MYO7A: variants seen among roughly 807,000 people sequenced by gnomAD.
MYO7A encodes myosin VIIA, also known as unconventional myosin-VIIa.
MYO7A carries 210 observed loss-of-function variants against 263.8 expected under a neutral mutation model. The observed-to-expected ratio is 0.80, with a 90% confidence interval of 0.71 to 0.89. The LOEUF (loss-of-function observed/expected upper bound fraction) is 0.89. Ranked by LOEUF, MYO7A falls within the 40% of genes least tolerant of loss-of-function variation. MYO7A has a pLI of 0.00. For synonymous variants in MYO7A, 1,239 were observed against 1,197.3 expected, an observed-to-expected ratio of 1.03 and a Z score of -0.72; for missense variants, 2,820 against 2,968.3, an observed-to-expected ratio of 0.95 and a Z score of 1.16.
Position 77,162,285 on chromosome 11 carries a change from C to T in MYO7A, c.1509C>T (p.Pro503=), listed in dbSNP as rs1953074978. ...QDALDMIANK[P]MNIISLIDEE... ...CCCTGGACATGATTGCCAACAAGCC[C>T]ATGAACATCATCTCCCTCATCGATG... Residue 503 remains proline (P), a synonymous_variant, in exon 13 of 49, where the codon CCC becomes CCT. Transcript: ENST00000409709. 1.9e-6 allele frequency: 3 copies of T among 1,552,812 alleles called. No individual in the cohort carries two copies. Among genetic ancestry groups the T allele is most frequent in the Middle Eastern group, 3.3e-4 (2 of 5,976 alleles).
intron 21 of MYO7A, 57 bp from the exon 22 acceptor site, chr11:77,180,317 T>C: frequency 6.8e-6 from 10 of 1,471,688 alleles, no homozygotes; most frequent in Non-Finnish European, 9.4e-6. Flanking sequence ...CTGGTGGGAA[T>C]CCCTGCAACA....
At chr11:77,142,240 C>T (rs1951255991) in intron 2 of MYO7A, among the ~76,000 whole-genome samples, 2 of 152,146 alleles carry the variant, frequency 1.3e-5, no homozygotes, top group South Asian at 4.2e-4. Context: ...GAGTGGTGTC[C>T]CTGTGAGGAA....
rs111033471 is a variant in MYO7A, at chr11:77,155,902, C to G, written c.286-5C>G. ...AGCGAGCTCCCCATCTCTTGCTGCC[C>G]GCAGACGTATACGGGCTCCATCCTG... On this transcript the variant is annotated splice_polypyrimidine_tract_variant and splice_region_variant and intron_variant, in intron 4 of 48. Coordinates refer to ENST00000409709, the MANE Select transcript of MYO7A (RefSeq NM_000260.4). 1.1e-5 allele frequency: 18 copies of G among 1,584,580 alleles called. No individual in the cohort carries two copies. Among genetic ancestry groups the G allele is most frequent in the Non-Finnish European group, 1.4e-5 (16 of 1,162,214 alleles).
At chr11:77,130,921 G>A (rs1242671186) in intron 2 of MYO7A, among the ~76,000 whole-genome samples, 1 of 152,232 alleles carries the variant, frequency 6.6e-6, no homozygotes, top group Non-Finnish European at 1.5e-5. Context: ...GGAACAGCAT[G>A]TGCAAAGGCC....
At chr11:77,211,569 A>G (rs902180877) in intron 45 of MYO7A, among the ~76,000 whole-genome samples, 1 of 152,096 alleles carries the variant, frequency 6.6e-6, no homozygotes, top group Non-Finnish European at 1.5e-5. Flanking sequence ...TACCATGGTG[A>G]CCTGTTTGTC....
chr11:77,197,305 G>A (rs900591400), intron 32 of MYO7A, among the ~76,000 whole-genome samples, 176 bp from the exon 33 acceptor site: 21 of 152,250 alleles, frequency 1.4e-4, no homozygotes, highest in Admixed American at 1.0e-3. Flanking sequence ...CGATGTTGAC[G>A]AATGAGAAAG....
intron 3 of MYO7A, among the ~76,000 whole-genome samples, chr11:77,147,285 C>T (rs554313325): frequency 6.6e-6 from 1 of 152,220 alleles, no homozygotes; most frequent in African/African-American, 2.4e-5. Context: ...TCATATGCCA[C>T]CTCCTCGGAG....
chr11:77,197,350 G>A (rs1956739279), intron 32 of MYO7A, 131 bp from the exon 33 acceptor site: 3 of 662,456 alleles, frequency 4.5e-6, no homozygotes, highest in Non-Finnish European at 7.7e-6. Context: ...GATGGGAGCA[G>A]GGCAAGGCCA....
At chr11:77,157,415 G>C (rs1555064393) in intron 8 of MYO7A, 23 bp downstream of exon 8, 27 of 1,532,980 alleles carry the variant, frequency 1.8e-5, no homozygotes, top group Non-Finnish European at 2.3e-5. Context: ...TGGGCCCCTG[G>C]GTAGGGGGGC....
intron 2 of MYO7A, 47 bp downstream of exon 2, chr11:77,130,699 T>A (rs1036517538): frequency 1.2e-6 from 2 of 1,603,666 alleles, no homozygotes; most frequent in Non-Finnish European, 1.7e-6. Context: ...CCAGGCCATA[T>A]CCCCTCATCC....
intron 32 of MYO7A, among the ~76,000 whole-genome samples, chr11:77,196,445 ATGGTAGGT>A: frequency 6.6e-6 from 1 of 152,200 alleles, no homozygotes; most frequent in South Asian, 2.1e-4. Flanking sequence ...ATACGCAAAT[ATGGTAGGT>A]TGGGGAAGGA....
intron 3 of MYO7A, among the ~76,000 whole-genome samples, chr11:77,145,685 T>G (rs1039078186): frequency 3.9e-5 from 6 of 152,172 alleles, no homozygotes; most frequent in Non-Finnish European, 8.8e-5. Flanking sequence ...GCAGGTTCCC[T>G]AACAGTACCC....
rs184971359 is a variant in MYO7A at position 77,148,019 on chromosome 11, C to A, written c.285+69C>A. ...CCCGCCCCGCCCACCTCGCCCCACC[C>A]CGCCCGACTTGCCTCCGGCCCCGCC... On this transcript the variant is annotated intron_variant, in intron 4 of 48. Coordinates refer to ENST00000409709, the MANE Select transcript of MYO7A (RefSeq NM_000260.4). 581 of 1,381,998 alleles carry A rather than the reference C, an allele frequency of 4.2e-4. 7 individuals carry two copies. The East Asian group carries it at 0.012, about 29-fold the overall frequency. 85.6% of individuals were successfully genotyped at this position (1,381,998 alleles called of 1,614,324 possible).
chr11:77,183,518 A>G (rs1414511524), intron 26 of MYO7A, among the ~76,000 whole-genome samples: 1 of 152,254 alleles, frequency 6.6e-6, no homozygotes, highest in East Asian at 1.9e-4. Context: ...CTGTGGAACA[A>G]GAGTGCTCAT....
rs1950736874 is a variant in MYO7A, at chr11:77,130,497, G to A, written c.-46-92G>A. 5.4e-6 allele frequency: 5 copies of A among 932,214 alleles called. No individual in the cohort carries two copies. In the East Asian group the frequency reaches 1.3e-4, roughly 25 times the overall value. 57.7% of individuals were successfully genotyped at this position (932,214 alleles called of 1,614,324 possible). On this transcript the variant is annotated intron_variant, in intron 1 of 48. Transcript: ENST00000409709. ...GGTTCCCTTGAGGGAGGAGGAGCTG[G>A]GGCTTTGGGAGGAGCCCAGGTGACC...
chr11:77,203,952 G>A, intron 38 of MYO7A, 124 bp from the exon 39 acceptor site: 1 of 1,087,022 alleles, frequency 9.2e-7, no homozygotes, highest in Non-Finnish European at 1.3e-6. Context: ...CATTTTGTGA[G>A]TGTGCAGCCT....
At chr11:77,144,858 C>T (rs1951456066) in intron 3 of MYO7A, among the ~76,000 whole-genome samples, 1 of 152,198 alleles carries the variant, frequency 6.6e-6, no homozygotes, top group Non-Finnish European at 1.5e-5. Context: ...ACCCCTCCTT[C>T]CCTTCCTCTA....
intron 47 of MYO7A, 56 bp from the exon 48 acceptor site, chr11:77,213,804 C>T: frequency 6.2e-7 from 1 of 1,612,562 alleles, no homozygotes; most frequent in Non-Finnish European, 8.5e-7. Context: ...CATGTGTGGG[C>T]AAGTGAGGCC....
Position 77,199,622 on chromosome 11 carries a change from G to A in MYO7A, c.4656G>A (p.Gly1552=), listed in dbSNP as rs540670571. The A allele has an allele frequency of 1.2e-5, 20 of 1,607,846 alleles. No individual in the cohort carries two copies. The highest frequency in any genetic ancestry group is 1.7e-5 in the Admixed American group (1 of 59,390). Residue 1552 remains glycine (G), a synonymous_variant, in exon 35 of 49, where the codon GGG becomes GGA. Transcript: ENST00000409709. ...GCTGGGCAGGACTGACCCCGGCGGGGCCCTGTTCTCCGTGTTGGTCCTGCA... is the reference window on the plus strand; with the variant it reads ...GCTGGGCAGGACTGACCCCGGCGGGACCCTGTTCTCCGTGTTGGTCCTGCA... ...HSGWAGLTPA[G]PCSPCWSCRG...
Sources: gnomAD v4.1 joint callset for allele counts (sites outside exome capture counted in the v4.1 genomes callset) on GRCh38, gnomAD v4.1.1 for gene constraint, MANE v1.5 for transcripts, NCBI Gene and HGNC (gene_info 2026-07-23, HGNC 2026-07-21) for gene names.